NOL10: variants seen among roughly 807,000 people sequenced by gnomAD.
The protein encoded by NOL10 is nucleolar protein 10, also known as H_NH0074G24.1.
A neutral mutation model predicts 103.5 loss-of-function variants in NOL10; 58 were observed. The ratio of observed to expected loss-of-function variants is 0.56; its 90% CI spans 0.45 to 0.70. The LOEUF is 0.70. Among genes scored for constraint, NOL10 ranks in the 30% least tolerant of loss-of-function variants. The probability of loss-of-function intolerance (pLI) is 0.00; values close to 1 mark genes in which losing one functional copy is unlikely to be tolerated. For missense variants in NOL10, 763 were observed against 807.3 expected (o/e 0.95, Z 0.67); for synonymous variants, 287 against 282.5 (o/e 1.02, Z -0.16).
At chr2:10,673,472 A>G in intron 5 of NOL10, 48 bp downstream of exon 5, 1 of 1,156,264 alleles carries the variant, frequency 8.6e-7, no homozygotes, top group Non-Finnish European at 1.2e-6. Context: ...AATTCCACTC[A>G]CTCATTTCTT....
At chr2:10,590,097 C>T (rs1038283696) in intron 17 of NOL10, among the ~76,000 whole-genome samples, 34 of 151,962 alleles carry the variant, frequency 2.2e-4, no homozygotes, top group African/African-American at 7.7e-4. Flanking sequence ...CAAGAAGATA[C>T]TAGGTTTTTA....
intron 1 of NOL10, among the ~76,000 whole-genome samples, chr2:10,689,521 C>T (rs578255304): frequency 6.6e-6 from 1 of 152,324 alleles, no homozygotes; most frequent in East Asian, 1.9e-4. Flanking sequence ...CAAATGGTTG[C>T]GTTCTCTGGA....
intron 13 of NOL10, among the ~76,000 whole-genome samples, chr2:10,628,287 G>A (rs1451329419): frequency 6.6e-6 from 1 of 152,076 alleles, no homozygotes; most frequent in Non-Finnish European, 1.5e-5. Flanking sequence ...GGTACACTCT[G>A]CACATGAAGA....
chr2:10,681,857 G>T, intron 3 of NOL10, 114 bp downstream of exon 3: 1 of 422,180 alleles, frequency 2.4e-6, no homozygotes, highest in Non-Finnish European at 4.2e-6. Context: ...CAATATTTCT[G>T]TGTGTTTGAA....
At chr2:10,577,559 G>T in intron 20 of NOL10, 77 bp downstream of exon 20, 1 of 1,017,918 alleles carries the variant, frequency 9.8e-7, no homozygotes, top group Non-Finnish European at 1.5e-6. Context: ...AGGCTGCTCT[G>T]AGGACACACA....
chr2:10,640,999 T>A (rs1220979401), intron 13 of NOL10, among the ~76,000 whole-genome samples: 2 of 149,986 alleles, frequency 1.3e-5, no homozygotes. Flanking sequence ...GTCTGGCCAA[T>A]ATGGTGAAAC....
At chr2:10,627,483 G>A (rs572730591) in intron 13 of NOL10, among the ~76,000 whole-genome samples, 1 of 152,204 alleles carries the variant, frequency 6.6e-6, no homozygotes, top group South Asian at 2.1e-4. Flanking sequence ...AGACTATCTT[G>A]GCTAACACAG....
chr2:10,600,740 G>T (rs930172923), intron 17 of NOL10, 113 bp downstream of exon 17: 3 of 697,652 alleles, frequency 4.3e-6, no homozygotes, highest in South Asian at 1.7e-5. Context: ...AATCTTATAC[G>T]CAGGAAAGAA....
chr2:10,575,034 G>C (rs1372806103), intron 20 of NOL10, among the ~76,000 whole-genome samples: 1 of 152,214 alleles, frequency 6.6e-6, no homozygotes, highest in Non-Finnish European at 1.5e-5. Context: ...AGGATCTATG[G>C]GCCATTAGCG....
intron 20 of NOL10, among the ~76,000 whole-genome samples, chr2:10,575,809 G>A (rs1370572999): frequency 6.6e-6 from 1 of 152,144 alleles, no homozygotes; most frequent in Non-Finnish European, 1.5e-5. Flanking sequence ...GACATCACTT[G>A]AGTTTCAGAG....
At chr2:10,663,773 C>G (rs1369282882) in intron 8 of NOL10, among the ~76,000 whole-genome samples, 1 of 151,812 alleles carries the variant, frequency 6.6e-6, no homozygotes, top group African/African-American at 2.4e-5. Context: ...CACAGTGAAA[C>G]CCAGTCTCTA....
intron 17 of NOL10, among the ~76,000 whole-genome samples, chr2:10,599,900 C>T (rs1675886573): frequency 6.6e-6 from 1 of 152,062 alleles, no homozygotes; most frequent in South Asian, 2.1e-4. Context: ...CCTTCAGTTG[C>T]AGTCCCTGGG....
At chr2:10,635,387 T>A (rs190848825) in intron 13 of NOL10, among the ~76,000 whole-genome samples, 1 of 152,204 alleles carries the variant, frequency 6.6e-6, no homozygotes, top group Non-Finnish European at 1.5e-5. Flanking sequence ...GGGACAAATA[T>A]GGTCATTCAC....
chr2:10,643,222 C>G (rs1193416530), intron 13 of NOL10, among the ~76,000 whole-genome samples: 2 of 152,178 alleles, frequency 1.3e-5, no homozygotes, highest in Admixed American at 1.3e-4. Flanking sequence ...TATCCCGAAA[C>G]CACAGAGTCA....
At chr2:10,642,165 G>A (rs927048381) in intron 13 of NOL10, among the ~76,000 whole-genome samples, 2 of 152,180 alleles carry the variant, frequency 1.3e-5, no homozygotes, top group African/African-American at 2.4e-5. Flanking sequence ...ACTACGTAAC[G>A]CTGGTCTGAG....
chr2:10,680,563 T>C (rs1681686414), intron 3 of NOL10, among the ~76,000 whole-genome samples: 1 of 152,156 alleles, frequency 6.6e-6, no homozygotes, highest in Non-Finnish European at 1.5e-5. Flanking sequence ...TGAAGAAAAT[T>C]TGAGTTTCTT....
At position 10,601,912 on chromosome 2, in the gene NOL10, C is replaced by T. The variant is rs144943893; in HGVS notation, c.1332+864G>A. ...GTCTTTTATAGTGACAGAGTATGTA[C>T]GTATACCAACGTTCAGTTATACACA... On this transcript the variant is annotated intron_variant, in intron 16 of 20. Coordinates refer to ENST00000381685, the MANE Select transcript of NOL10 (RefSeq NM_024894.4). Among the ~76,000 whole-genome samples the T allele has an allele frequency of 4.8e-3, 730 of 152,342 alleles. 3 individuals are homozygous for T. Among genetic ancestry groups the T allele is most frequent in the African/African-American group, 0.016 (671 of 41,574 alleles).
intron 13 of NOL10, among the ~76,000 whole-genome samples, chr2:10,615,815 A>G (rs1183060533): frequency 1.3e-5 from 2 of 152,186 alleles, no homozygotes; most frequent in East Asian, 3.8e-4. Context: ...AATGGAGCTG[A>G]TGAACACCCA....
intron 2 of NOL10, among the ~76,000 whole-genome samples, chr2:10,682,361 T>A (rs929307260): frequency 1.3e-5 from 2 of 151,782 alleles, no homozygotes; most frequent in Non-Finnish European, 2.9e-5. Flanking sequence ...GTATCAAACA[T>A]CCAGTGTTAC....
Sources: allele counts gnomAD v4.1 joint callset (sites outside exome capture counted in the v4.1 genomes callset), GRCh38; gene constraint gnomAD v4.1.1; transcripts MANE v1.5; gene names NCBI Gene and HGNC (gene_info 2026-07-23, HGNC 2026-07-21).